Variants in XAGE2 observed in about 807,000 individuals in gnomAD.
XAGE2 encodes G antigen family D member 3.
A neutral mutation model predicts 9.9 loss-of-function variants in XAGE2; 7 were observed. The observed-to-expected ratio is 0.71, with a 90% CI of 0.40 to 1.32. The LOEUF is 1.32. Ranked by LOEUF, XAGE2 falls within the 40% of genes most tolerant of loss-of-function variation. XAGE2 has a pLI of 0.01. For missense variants in XAGE2, 85 were observed against 81.0 expected, an observed-to-expected ratio of 1.05 and a Z score of -0.19; for synonymous variants, 31 against 26.8, an observed-to-expected ratio of 1.16 and a Z score of -0.48.
intron 3 of XAGE2, 82 bp from the exon 4 acceptor site, chrX:52,372,462 C>T (rs992057863): frequency 1.8e-6 from 2 of 1,136,496 alleles, no homozygotes; most frequent in Middle Eastern, 2.4e-4. Flanking sequence ...TATGTCATAA[C>T]TCTGTGGAAT....
chrX:52,373,619 T>A (rs1425741049), intron 4 of XAGE2, among the ~76,000 whole-genome samples: 1 of 111,944 alleles, frequency 8.9e-6, no homozygotes, highest in Non-Finnish European at 1.9e-5. Context: ...AGGTTACATA[T>A]TACAGGTTTC....
chrX:52,374,757 T>C (rs1921273208), intron 4 of XAGE2, among the ~76,000 whole-genome samples: 1 of 111,848 alleles, frequency 8.9e-6, no homozygotes, highest in African/African-American at 3.2e-5. Context: ...CATCTCCATT[T>C]CCCTTTCCGT....
intron 3 of XAGE2, among the ~76,000 whole-genome samples, chrX:52,371,748 A>T (rs1319355168): frequency 9.0e-6 from 1 of 111,401 alleles, no homozygotes; most frequent in African/African-American, 3.3e-5. Flanking sequence ...CTATATTCTC[A>T]ATAGGATTTA....
chrX:52,370,671 A>C lies in XAGE2; in HGVS notation c.186A>C (p.Gln62His). Residue 62 changes from glutamine to histidine, a missense_variant and splice_region_variant, in exon 3 of 5, where the codon CAA becomes CAC. By Grantham distance (24) the Gln-to-His change is conservative (BLOSUM62 0). Coordinates refer to ENST00000286049, the MANE Select transcript of XAGE2 (RefSeq NM_130777.3). Reference sequence around the variant, plus strand: ...ATGATCAGGGTGCAGCTGAGATTCAAGGTGCTGGGAAAGGAAAGAAATAAT... The same window carrying C: ...ATGATCAGGGTGCAGCTGAGATTCACGGTGCTGGGAAAGGAAAGAAATAAT... ...REDDQGAAEI[Q>H]VPDLEADLQE... 11 of 1,209,083 alleles carry C rather than the reference A, an allele frequency of 9.1e-6. No individual in the cohort carries two copies. The highest frequency in any genetic ancestry group is 1.2e-5 in the Non-Finnish European group (11 of 893,707).
Position 52,375,633 on chromosome X carries a change from A to T in XAGE2, c.*42A>T. On this transcript the variant is annotated 3_prime_UTR_variant, in exon 5 of 5. Coordinates refer to ENST00000286049, the MANE Select transcript of XAGE2 (RefSeq NM_130777.3). ...ACAACACAAACTGTTTTTATATTAG[A>T]TATTTTACTTTAAAATATCTTAATA... 2.7e-6 allele frequency: 3 copies of T among 1,116,605 alleles called. No homozygotes were observed. The highest frequency in any genetic ancestry group is 3.7e-6 in the Non-Finnish European group (3 of 818,586). The allele number at this position is 1,116,605 out of a possible 1,213,427, so 92.0% of individuals were successfully genotyped here.
At chrX:52,372,417 C>A in intron 3 of XAGE2, 127 bp from the exon 4 acceptor site, 1 of 865,800 alleles carries the variant, frequency 1.2e-6, no homozygotes. Context: ...GACAGCTTTG[C>A]ATCACATTTA....
intron 4 of XAGE2, among the ~76,000 whole-genome samples, chrX:52,373,673 T>A (rs1921249113): frequency 1.8e-5 from 2 of 112,350 alleles, no homozygotes; most frequent in South Asian, 7.4e-4. Context: ...TCAAAGACTA[T>A]AATGTACTAA....
rs1449531156 is a variant in XAGE2 at position 52,375,590 on chromosome X, A to G, written c.335A>G (p.Ter112=). ...ACAGGTGAAGGGAAATCACAGGTTT[A>G]AAGGAAGATAAGCTGAAACAACACA... ...PEAGEGKSQV[*] Residue 112 remains the stop codon, a stop_retained_variant, in exon 5 of 5, where the codon TAA becomes TGA. Transcript: ENST00000286049. The G allele has an allele frequency of 2.5e-6, 3 of 1,201,277 alleles. No homozygotes were observed. The highest frequency in any genetic ancestry group is 3.4e-6 in the Non-Finnish European group (3 of 888,846).
chrX:52,374,779 C>T (rs1921274503), intron 4 of XAGE2, among the ~76,000 whole-genome samples: 1 of 110,304 alleles, frequency 9.1e-6, no homozygotes, highest in African/African-American at 3.3e-5. Flanking sequence ...TCTTTTTTTT[C>T]GTGCCATACT....
rs954631387 is a variant in XAGE2, at chrX:52,369,794, G to A, written c.-8-213G>A. Among the ~76,000 whole-genome samples, 52 of 112,970 alleles carry A rather than the reference G, an allele frequency of 4.6e-4. 1 individual carries two copies. Among genetic ancestry groups the A allele is most frequent in the South Asian group, 1.1e-3 (3 of 2,745 alleles). ...AAATATCCTGTATCTTTTGCCAGGAGCATTAAGACATTGCTCTGCTAGATT... is the reference window on the plus strand; with the variant it reads ...AAATATCCTGTATCTTTTGCCAGGAACATTAAGACATTGCTCTGCTAGATT... On this transcript the variant is annotated intron_variant, in intron 1 of 4. Transcript: ENST00000286049.
At chrX:52,372,694 GT>G in intron 4 of XAGE2, 25 bp downstream of exon 4, 3 of 1,206,161 alleles carry the variant, frequency 2.5e-6, no homozygotes, top group South Asian at 1.8e-5. Context: ...AAGACACAAA[GT>G]TATGTGATTT....
chrX:52,372,930 T>C (rs1921228618), intron 4 of XAGE2, among the ~76,000 whole-genome samples: 1 of 112,193 alleles, frequency 8.9e-6, no homozygotes, highest in African/African-American at 3.2e-5. Context: ...CAGCTAACAA[T>C]TTTCAGATTC....
intron 3 of XAGE2, 27 bp downstream of exon 3, chrX:52,370,699 C>T (rs1160058919): frequency 1.7e-6 from 2 of 1,175,757 alleles, no homozygotes; most frequent in African/African-American, 3.5e-5. Context: ...GAAATAATGC[C>T]TATAGGGGGA....
chrX:52,372,461 ACT>A (rs1192928918), intron 3 of XAGE2, 81 bp from the exon 4 acceptor site: 21 of 1,136,989 alleles, frequency 1.8e-5, no homozygotes, highest in Non-Finnish European at 2.5e-5. Flanking sequence ...TTATGTCATA[ACT>A]CTGTGGAATA....
At position 52,369,977 on chromosome X, in the gene XAGE2, A is replaced by G; in HGVS notation, c.-8-30A>G. The G allele has an allele frequency of 4.2e-6, 5 of 1,190,085 alleles. No individual in the cohort carries two copies. In the Admixed American group the frequency reaches 1.1e-4, roughly 26 times the overall value. On this transcript the variant is annotated intron_variant, in intron 1 of 4. Transcript: ENST00000286049. ...CAAATACAGCTATCCTCTCAAACAC[A>G]CTTTCCCAATCACAGTATTCTGTTT... is the stretch of plus-strand genomic sequence containing the variant.
chrX:52,372,463 T>C (rs2146414884), intron 3 of XAGE2, 81 bp from the exon 4 acceptor site: 2 of 1,139,527 alleles, frequency 1.8e-6, no homozygotes, highest in South Asian at 3.7e-5. Context: ...ATGTCATAAC[T>C]CTGTGGAATA....
intron 3 of XAGE2, 150 bp downstream of exon 3, chrX:52,370,822 A>G: frequency 1.9e-6 from 1 of 513,551 alleles, no homozygotes; most frequent in Non-Finnish European, 3.3e-6. Context: ...AGTGAAGAGT[A>G]TAGTTTGCAG....
chrX:52,372,420 C>A, intron 3 of XAGE2, 124 bp from the exon 4 acceptor site: 1 of 905,509 alleles, frequency 1.1e-6, no homozygotes, highest in Non-Finnish European at 1.6e-6. Context: ...AGCTTTGCAT[C>A]ACATTTATTA....
At chrX:52,370,131 A>G in intron 2 of XAGE2, 36 bp downstream of exon 2, 5 of 1,180,144 alleles carry the variant, frequency 4.2e-6, no homozygotes, top group Non-Finnish European at 5.8e-6. Flanking sequence ...TTTTATTAGC[A>G]GAAATTTCTT....
Sources: gnomAD v4.1 joint callset for allele counts (sites outside exome capture counted in the v4.1 genomes callset) on GRCh38, gnomAD v4.1.1 for gene constraint, MANE v1.5 for transcripts, NCBI Gene and HGNC (gene_info 2026-07-23, HGNC 2026-07-21) for gene names.